The following RSF1 variants were observed in gnomAD, a reference collection of about 807,000 sequenced individuals.
RSF1 encodes remodeling and spacing factor 1, also known as HBV pX-associated protein 8.
Under a neutral mutation model 145.2 loss-of-function variants are expected in RSF1, and 13 were observed. The ratio of observed to expected loss-of-function variants is 0.09; its 90% CI spans 0.06 to 0.14. The LOEUF (loss-of-function observed/expected upper bound fraction) is 0.14, where lower values mean the gene tolerates loss of function less well. Ranked by LOEUF, RSF1 falls within the 10% of genes least tolerant of loss-of-function variation. The pLI is 1.00. For missense variants in RSF1, 1,517 were observed against 1,718.2 expected (o/e 0.88, Z 2.07); for synonymous variants, 577 against 592.6 (o/e 0.97, Z 0.38).
the RSF1 span, chr11:77,870,199 A>T: frequency 0.35 from 51,193 of 148,004 alleles, 8,864 homozygotes; most frequent in East Asian, 0.46. Flanking sequence ...TTTTTTTTTT[A>T]AATATAGATG....
chr11:77,710,280 T>C (rs1960648076), intron 5 of RSF1, among the ~76,000 whole-genome samples: 1 of 152,190 alleles, frequency 6.6e-6, no homozygotes, highest in Admixed American at 6.5e-5. Flanking sequence ...CCTCACAATA[T>C]AATTTTTTTT....
chr11:77,778,557 A>AT (rs1245392789), intron 1 of RSF1, among the ~76,000 whole-genome samples: 1 of 152,116 alleles, frequency 6.6e-6, no homozygotes, highest in Non-Finnish European at 1.5e-5. Flanking sequence ...TTCTGAAAAA[A>AT]GTTCTTGGCA....
At chr11:77,760,051 T>C (rs1172176192) in intron 2 of RSF1, among the ~76,000 whole-genome samples, 2 of 152,240 alleles carry the variant, frequency 1.3e-5, no homozygotes, top group East Asian at 3.9e-4. Context: ...AGAATTACCA[T>C]ATGACCTAAC....
intron 1 of RSF1, among the ~76,000 whole-genome samples, chr11:77,794,914 T>C (rs148135955): frequency 4.6e-5 from 7 of 152,214 alleles, no homozygotes; most frequent in African/African-American, 1.4e-4. Flanking sequence ...GAGGTCAAAC[T>C]TTCCCTCTCT....
rs1349332525 is a variant in RSF1 at position 77,678,195 on chromosome 11, T to C, written c.3066-42A>G. The stretch of plus-strand genomic sequence containing the variant: ...GATCACATTATAGCCTGTCCTGGCT[T>C]TTTTTTTTTTTTTTTTAATTATTTT... On this transcript the variant is annotated intron_variant, in intron 11 of 15. Coordinates refer to ENST00000308488, the MANE Select transcript of RSF1 (RefSeq NM_016578.4). The C allele has an allele frequency of 4.6e-4, 8 of 17,246 alleles. No individual in the cohort carries two copies. In the African/African-American group the frequency reaches 9.5e-3, roughly 20 times the overall value. 1.1% of individuals were successfully genotyped at this position (17,246 alleles called of 1,614,324 possible).
chr11:77,781,855 A>G (rs996857917), intron 1 of RSF1, among the ~76,000 whole-genome samples: 1 of 152,206 alleles, frequency 6.6e-6, no homozygotes, highest in Non-Finnish European at 1.5e-5. Flanking sequence ...AAGCTCTGCT[A>G]TTAGTAAAAA....
chr11:77,834,447 T>TTG, the RSF1 span, among the ~76,000 whole-genome samples: 1 of 147,828 alleles, frequency 6.8e-6, no homozygotes, highest in African/African-American at 2.5e-5. Context: ...TTTTGTTTTT[T>TTG]TTTTTTTTTT....
intron 2 of RSF1, among the ~76,000 whole-genome samples, chr11:77,752,679 C>T (rs72949614): frequency 0.13 from 19,573 of 151,988 alleles, 1,448 homozygotes; most frequent in Admixed American, 0.19. Flanking sequence ...TTGGATGTCG[C>T]CCCAGATGAG....
At chr11:77,756,185 C>T (rs1948113904) in intron 2 of RSF1, among the ~76,000 whole-genome samples, 1 of 151,784 alleles carries the variant, frequency 6.6e-6, no homozygotes, top group East Asian at 1.9e-4. Context: ...CGGAGAAACC[C>T]TGTCTCAGCT....
chr11:77,842,536 A>T, the RSF1 span: 7 of 1,614,024 alleles, frequency 4.3e-6, no homozygotes, highest in Non-Finnish European at 5.9e-6. Flanking sequence ...ATGGGGGCAA[A>T]TGAAAGTAAA....
At chr11:77,745,443 T>C (rs997274447) in intron 3 of RSF1, among the ~76,000 whole-genome samples, 3 of 152,140 alleles carry the variant, frequency 2.0e-5, no homozygotes, top group African/African-American at 7.2e-5. Context: ...TTGCTGCATT[T>C]TGTAAGTTCT....
intron 1 of RSF1, among the ~76,000 whole-genome samples, chr11:77,783,881 C>T (rs1000381323): frequency 9.2e-5 from 14 of 152,142 alleles, no homozygotes; most frequent in Non-Finnish European, 2.1e-4. Context: ...TGTATAGTTT[C>T]CAACAAAACG....
chr11:77,717,441 C>A (rs931920442), intron 5 of RSF1, among the ~76,000 whole-genome samples: 6 of 152,126 alleles, frequency 3.9e-5, no homozygotes, highest in African/African-American at 1.4e-4. Context: ...AGAACTGTTG[C>A]AAAGACTATT....
intron 3 of RSF1, 32 bp from the exon 4 acceptor site, chr11:77,740,968 C>T (rs763713664): frequency 2.3e-5 from 34 of 1,477,290 alleles, no homozygotes; most frequent in Non-Finnish European, 3.1e-5. Flanking sequence ...ACTTAAAATA[C>T]CTCACAAATA....
At chr11:77,852,447 A>G in the RSF1 span, among the ~76,000 whole-genome samples, 3 of 152,080 alleles carry the variant, frequency 2.0e-5, no homozygotes, top group Admixed American at 2.0e-4. Flanking sequence ...TCAAACTTCA[A>G]ACTATGACAG....
chr11:77,691,484 T>C (rs1280520584), intron 8 of RSF1, among the ~76,000 whole-genome samples: 1 of 152,248 alleles, frequency 6.6e-6, no homozygotes, highest in East Asian at 1.9e-4. Context: ...ATTCTGTGCC[T>C]ATCCTACTGG....
At chr11:77,755,084 T>A (rs1948102145) in intron 2 of RSF1, among the ~76,000 whole-genome samples, 1 of 152,236 alleles carries the variant, frequency 6.6e-6, no homozygotes, top group Non-Finnish European at 1.5e-5. Context: ...GAATTAAGAT[T>A]CTATTTCAAA....
At chr11:77,825,548 T>A (rs530026963), upstream of RSF1, among the ~76,000 whole-genome samples, 126 of 152,224 alleles carry the variant, frequency 8.3e-4, 1 homozygote, top group African/African-American at 3.0e-3. Flanking sequence ...AATAAGAAGA[T>A]GTATGAAAAT....
At chr11:77,821,622 G>GACCAGAGA (rs1382777609), upstream of RSF1, among the ~76,000 whole-genome samples, 2 of 152,076 alleles carry the variant, frequency 1.3e-5, no homozygotes, top group African/African-American at 4.8e-5. Context: ...TCTGTTCAGG[G>GACCAGAGA]ACCAGAATCG....
Sources: gnomAD v4.1 joint callset for allele counts (sites outside exome capture counted in the v4.1 genomes callset) on GRCh38, gnomAD v4.1.1 for gene constraint, MANE v1.5 for transcripts, NCBI Gene and HGNC (gene_info 2026-07-23, HGNC 2026-07-21) for gene names.